The following DCT variants were observed in gnomAD, a reference collection of about 807,000 sequenced individuals.
DCT encodes dopachrome tautomerase.
A neutral mutation model predicts 53.0 loss-of-function variants in DCT; 47 were observed. The ratio of observed to expected loss-of-function variants is 0.89; its 90% CI spans 0.70 to 1.13. The LOEUF is 1.13. Among genes scored for constraint, DCT ranks in the 50% most tolerant of loss-of-function variants. The probability of loss-of-function intolerance (pLI) is 0.00; values close to 1 mark genes in which losing one functional copy is unlikely to be tolerated. For missense variants in DCT, 669 were observed against 637.4 expected (o/e 1.05, Z -0.53); for synonymous variants, 244 against 237.0 (o/e 1.03, Z -0.27).
rs1300982111 is a variant in DCT at position 94,462,140 on chromosome 13, C to T, written c.913G>A (p.Gly305Ser). The T allele has an allele frequency of 3.1e-6, 5 of 1,613,368 alleles. No homozygotes were observed. Among genetic ancestry groups the T allele is most frequent in the Middle Eastern group, 1.6e-4 (1 of 6,062 alleles). The change falls in exon 5 of 8, where the codon GGT becomes AGT. Residue 305 changes from glycine (G) to serine (S), a missense_variant. Transcript: ENST00000377028. ...CCCATTTGATTTCTTCTCAGCAAAC[C>T]TTCATAGGTTCCATTGCACAAGGTG... ...LVTLCNGTYE[G>S]LLRRNQMGRN...
At chr13:94,478,146 A>ACCCCTCGGCCCCCCCCC (rs1885219742) in intron 1 of DCT, among the ~76,000 whole-genome samples, 1 of 101,972 alleles carries the variant, frequency 9.8e-6, no homozygotes, top group African/African-American at 3.6e-5. Context: ...TCTAATAACA[A>ACCCCTCGGCCCCCCCCC]CCCCCCGCCC....
chr13:94,468,849 C>T lies in DCT; in HGVS notation c.492G>A (p.Leu164=). The T allele has an allele frequency of 6.2e-7, 1 of 1,614,200 alleles. No homozygotes were observed. Among genetic ancestry groups the T allele is most frequent in the Non-Finnish European group, 8.5e-7 (1 of 1,180,030 alleles). Residue 164 remains leucine (L), a synonymous_variant, in exon 2 of 8, where the codon CTG becomes CTA. Transcript: ENST00000377028. The part of the protein sequence containing the change: ...PDYVITTQHW[L]GLLGPNGTQP... ...GGGTTCCATTGGGCCCAAGCAGGCCCAGCCAGTGTTGTGTGGTGATCACGT... is the reference window on the plus strand; with the variant it reads ...GGGTTCCATTGGGCCCAAGCAGGCCTAGCCAGTGTTGTGTGGTGATCACGT...
At chr13:94,459,542 G>A (rs141198985) in intron 6 of DCT, among the ~76,000 whole-genome samples, 1 of 152,194 alleles carries the variant, frequency 6.6e-6, no homozygotes, top group Non-Finnish European at 1.5e-5. Flanking sequence ...CTTGTCTGCT[G>A]TTGATGTTCT....
the DCT span, among the ~76,000 whole-genome samples, chr13:94,491,401 G>C: frequency 2.0e-4 from 30 of 152,194 alleles, no homozygotes; most frequent in African/African-American, 7.2e-4. Context: ...CAATATATTA[G>C]ATTAGGGGCC....
At chr13:94,448,974 T>C (rs1882912184) in intron 6 of DCT, among the ~76,000 whole-genome samples, 2 of 151,996 alleles carry the variant, frequency 1.3e-5, no homozygotes, top group Admixed American at 6.6e-5. Context: ...GAGGGCTACA[T>C]AGCTACGTTT....
rs879065970 is a variant in DCT, at chr13:94,438,989, G to A, written c.*909C>T. 5.2e-6 allele frequency: 1 copy of A among 191,630 alleles called. No individual in the cohort carries two copies. The highest frequency in any genetic ancestry group is 5.9e-5 in the Admixed American group (1 of 16,902). 11.9% of individuals were successfully genotyped at this position (191,630 alleles called of 1,614,324 possible). A position where few individuals can be genotyped will look rare whatever the true frequency, so the allele number is the denominator to read the frequency against. On this transcript the variant is annotated 3_prime_UTR_variant, in exon 8 of 8. Coordinates refer to ENST00000377028, the MANE Select transcript of DCT (RefSeq NM_001922.5). The stretch of plus-strand genomic sequence containing the variant: ...AGCCAAAGAGACCTCAGAGTAATGG[G>A]ACTCAAGTCAAATTGTCTCATGTTC...
intron 4 of DCT, among the ~76,000 whole-genome samples, chr13:94,464,317 C>T (rs938060633): frequency 3.9e-5 from 6 of 152,134 alleles, no homozygotes; most frequent in Admixed American, 2.0e-4. Flanking sequence ...GGACCTGGGA[C>T]GAAAGACAGA....
At chr13:94,469,675 C>T (rs531954156) in intron 1 of DCT, among the ~76,000 whole-genome samples, 23 of 152,294 alleles carry the variant, frequency 1.5e-4, no homozygotes, top group African/African-American at 4.8e-4. Flanking sequence ...GGATCGCAGG[C>T]GTGTCTCCTC....
rs903191133 is a variant in DCT at position 94,439,839 on chromosome 13, T to C, written c.*59A>G. The C allele has an allele frequency of 7.6e-6, 10 of 1,317,814 alleles. No individual in the cohort carries two copies. Among genetic ancestry groups the C allele is most frequent in the African/African-American group, 3.0e-5 (2 of 67,410 alleles). 81.6% of individuals were successfully genotyped at this position (1,317,814 alleles called of 1,614,324 possible). A position where few individuals can be genotyped will look rare whatever the true frequency, so the allele number is the denominator to read the frequency against. On this transcript the variant is annotated 3_prime_UTR_variant, in exon 8 of 8. Coordinates refer to ENST00000377028, the MANE Select transcript of DCT (RefSeq NM_001922.5). ...GGAACAGTGAGGATTAGTTCCTTTATTGTCAGCGTCAGAACTGTGGCTTGG... is the reference window on the plus strand; with the variant it reads ...GGAACAGTGAGGATTAGTTCCTTTACTGTCAGCGTCAGAACTGTGGCTTGG...
the DCT span, among the ~76,000 whole-genome samples, chr13:94,536,715 G>T: frequency 6.6e-6 from 1 of 152,140 alleles, no homozygotes; most frequent in Admixed American, 6.5e-5. Flanking sequence ...GGCCGAGATG[G>T]GTAGATCACC....
At chr13:94,488,903 CAA>C in the DCT span, among the ~76,000 whole-genome samples, 2 of 151,330 alleles carry the variant, frequency 1.3e-5, no homozygotes, top group South Asian at 4.2e-4. Flanking sequence ...TATATATAGT[CAA>C]GAGAAAAACA....
chr13:94,538,254 T>C, the DCT span, among the ~76,000 whole-genome samples: 4 of 152,222 alleles, frequency 2.6e-5, no homozygotes, highest in Admixed American at 6.5e-5. Flanking sequence ...GCACTCTTCA[T>C]GGATTATCTT....
chr13:94,454,981 G>T (rs575207872), intron 6 of DCT, among the ~76,000 whole-genome samples: 1 of 152,030 alleles, frequency 6.6e-6, no homozygotes, highest in Non-Finnish European at 1.5e-5. Context: ...TAGAAACAAC[G>T]AACACAAAGA....
At chr13:94,490,031 G>A in the DCT span, among the ~76,000 whole-genome samples, 2 of 152,094 alleles carry the variant, frequency 1.3e-5, no homozygotes, top group Non-Finnish European at 2.9e-5. Flanking sequence ...ATAGGTGGAG[G>A]CAAGGTTTAA....
intron 6 of DCT, among the ~76,000 whole-genome samples, chr13:94,455,453 G>A (rs934089498): frequency 6.6e-5 from 10 of 151,258 alleles, no homozygotes; most frequent in African/African-American, 2.4e-4. Flanking sequence ...AAGAAGAAAA[G>A]TGAATCCTTT....
chr13:94,525,249 C>T, the DCT span, among the ~76,000 whole-genome samples: 1 of 152,012 alleles, frequency 6.6e-6, no homozygotes, highest in South Asian at 2.1e-4. Context: ...TACAGGCATG[C>T]ACCACCATAC....
chr13:94,441,896 T>A (rs1882345516), intron 7 of DCT, among the ~76,000 whole-genome samples: 1 of 152,182 alleles, frequency 6.6e-6, no homozygotes. Context: ...TAATTATTTG[T>A]TCCATTTTTT....
At position 94,479,039 on chromosome 13, in the gene DCT, C is replaced by G. The variant is rs754900941; in HGVS notation, c.217G>C (p.Gly73Arg). 6.2e-6 allele frequency: 10 copies of G among 1,614,198 alleles called. No individual in the cohort carries two copies. In the East Asian group the frequency reaches 2.0e-4, roughly 32 times the overall value. Residue 73 changes from glycine to arginine, a missense_variant, in exon 1 of 8, where the codon GGT becomes CGT. By Grantham distance (125) the Gly-to-Arg change is moderately radical. Transcript: ENST00000377028. ...TCCTGGTTTCGTAGGATGTAGGGAC[C>G]ACTCCAGGGCCTTGTGTCGGCTCGC... is the stretch of plus-strand genomic sequence containing the variant. ...EVRADTRPWS[G>R]PYILRNQDDR...
At position 94,479,306 on chromosome 13, in the gene DCT, T is replaced by G. The variant is rs1885329672; in HGVS notation, c.-51A>C. On this transcript the variant is annotated 5_prime_UTR_variant, in exon 1 of 8. Coordinates refer to ENST00000377028, the MANE Select transcript of DCT (RefSeq NM_001922.5). ...CTCTCTCTTACTTTCCTTGTCTCTG[T>G]CGTACTTTTCTCCTTATCTTCTACT... The G allele has an allele frequency of 6.9e-7, 1 of 1,443,524 alleles. No individual in the cohort carries two copies. The highest frequency in any genetic ancestry group is 1.4e-5 in the African/African-American group (1 of 70,172). The allele number at this position is 1,443,524 out of a possible 1,614,324, so 89.4% of individuals were successfully genotyped here. A position where few individuals can be genotyped will look rare whatever the true frequency, so the allele number is the denominator to read the frequency against.
Sources: gnomAD v4.1 joint callset for allele counts (sites outside exome capture counted in the v4.1 genomes callset) on GRCh38, gnomAD v4.1.1 for gene constraint, MANE v1.5 for transcripts, NCBI Gene and HGNC (gene_info 2026-07-23, HGNC 2026-07-21) for gene names.